Variants in WDR59 observed in about 807,000 individuals in gnomAD.
The protein encoded by WDR59 is GATOR2 complex protein WDR59.
WDR59 carries 100 observed loss-of-function variants against 131.2 expected under a neutral mutation model. The ratio of observed to expected loss-of-function variants is 0.76; its 90% CI spans 0.65 to 0.90. The LOEUF is 0.90. Among genes scored for constraint, WDR59 ranks in the 40% least tolerant of loss-of-function variants. The pLI, the probability that WDR59 is intolerant of heterozygous loss-of-function variation, is 0.00. For missense variants in WDR59, 1,203 were observed against 1,262.2 expected (o/e 0.95, Z 0.71); for synonymous variants, 601 against 466.2 (o/e 1.29, Z -3.72).
intron 25 of WDR59, among the ~76,000 whole-genome samples, chr16:74,882,642 T>C (rs947642373): frequency 1.3e-5 from 2 of 151,836 alleles, no homozygotes; most frequent in Non-Finnish European, 2.9e-5. Flanking sequence ...TATTGTATTG[T>C]AGTATCTCTA....
Position 74,942,605 on chromosome 16 carries a change from C to A in WDR59, c.534+133G>T. The A allele has an allele frequency of 3.8e-6, 3 of 791,946 alleles. No homozygotes were observed. In the South Asian group the frequency reaches 4.7e-5, roughly 12 times the overall value. 49.1% of individuals were successfully genotyped at this position (791,946 alleles called of 1,614,324 possible). On this transcript the variant is annotated intron_variant, in intron 7 of 25. Transcript: ENST00000262144. Reference sequence around the variant, plus strand: ...CGCAAATATCGTCTGGTACTATGAGCTTAAAATGGTCATTTACCATGCTGC... The same window carrying A: ...CGCAAATATCGTCTGGTACTATGAGATTAAAATGGTCATTTACCATGCTGC...
In WDR59 at chr16:74,887,650, A is replaced by G. The variant is rs1964830766; in HGVS notation, c.2419+33T>C. ...ATGCACAGCTCTGGGAGAACTAAAA[A>G]TCCAGCGTGGGCTAAGTCATTTCCA... On this transcript the variant is annotated intron_variant, in intron 23 of 25. Coordinates refer to ENST00000262144, the MANE Select transcript of WDR59 (RefSeq NM_030581.4). 5 of 1,609,274 alleles carry G rather than the reference A, an allele frequency of 3.1e-6. No individual in the cohort carries two copies. In the Admixed American group the frequency reaches 5.0e-5, roughly 16 times the overall value.
rs544623891 is a variant in WDR59, at chr16:74,963,711, G to A, written c.104+2062C>T. On this transcript the variant is annotated intron_variant, in intron 2 of 25. Coordinates refer to ENST00000262144, the MANE Select transcript of WDR59 (RefSeq NM_030581.4). ...CACACGTTTACCTACGTAACAAACC[G>A]GCACATCCTGCACATGTATCCTGGA... 3.9e-4 allele frequency among the ~76,000 whole-genome samples: 60 copies of A among 152,102 alleles called. 1 individual carries two copies. Among genetic ancestry groups the A allele is most frequent in the East Asian group, 1.7e-3 (9 of 5,180 alleles).
In WDR59 at chr16:74,970,494, CCAAAAAAAAAAAAAA is replaced by C. The variant is rs1281305541; in HGVS notation, c.55-4687_55-4673del. Among the ~76,000 whole-genome samples, 17 of 103,890 alleles carry C rather than the reference CCAAAAAAAAAAAAAA, an allele frequency of 1.6e-4. 2 individuals are homozygous for C. Among genetic ancestry groups the C allele is most frequent in the East Asian group, 8.8e-4 (4 of 4,558 alleles). 68.2% of individuals were successfully genotyped at this position (103,890 alleles called of 152,430 possible). On this transcript the variant is annotated intron_variant, in intron 1 of 25. Transcript: ENST00000262144. ...TGGGTGACAGAGAGAGACTCTGTCT[CCAAAAAAAAAAAAAA>C]AAAAAAAAAAAAAAAAAAGCAGCTC...
intron 1 of WDR59, among the ~76,000 whole-genome samples, chr16:74,971,017 C>T (rs1382657934): frequency 6.6e-6 from 1 of 151,982 alleles, no homozygotes; most frequent in Non-Finnish European, 1.5e-5. Context: ...CCACTACACT[C>T]CTGGCTAAAC....
chr16:74,932,493 CTATT>C (rs1432076402), intron 8 of WDR59, among the ~76,000 whole-genome samples: 36 of 149,156 alleles, frequency 2.4e-4, no homozygotes, highest in Non-Finnish European at 4.3e-4. Flanking sequence ...TATTTTGATA[CTATT>C]TATTTATCTG....
intron 1 of WDR59, among the ~76,000 whole-genome samples, chr16:74,981,660 A>ATATTTTTTTTTT (rs1567451007): frequency 1.2e-5 from 1 of 80,864 alleles, no homozygotes; most frequent in African/African-American, 7.4e-5. Context: ...ATATATATAT[A>ATATTTTTTTTTT]TTTTTTTTTT....
rs1001867980 is a variant in WDR59 at position 74,897,339 on chromosome 16, T to A, written c.1867-3527A>T. 1.4e-4 allele frequency among the ~76,000 whole-genome samples: 21 copies of A among 152,180 alleles called. 1 individual carries two copies. The East Asian group carries it at 1.9e-3, about 14-fold the overall frequency. ...TTTAGGCTTTGGGGTTTGTTAGGAT[T>A]AGGCACATTCAGACAGAAGAAAACT... On this transcript the variant is annotated intron_variant, in intron 18 of 25. Coordinates refer to ENST00000262144, the MANE Select transcript of WDR59 (RefSeq NM_030581.4).
chr16:74,926,983 A>T (rs1475627759), intron 8 of WDR59, among the ~76,000 whole-genome samples: 2 of 152,210 alleles, frequency 1.3e-5, no homozygotes, highest in Non-Finnish European at 2.9e-5. Flanking sequence ...CTTAATGCAC[A>T]ATATGAATGA....
intron 22 of WDR59, 100 bp from the exon 23 acceptor site, chr16:74,887,855 T>C (rs1964843693): frequency 1.6e-6 from 2 of 1,227,892 alleles, no homozygotes; most frequent in South Asian, 1.3e-5. Flanking sequence ...CGGTGGCTCA[T>C]GCCTGTAATC....
intron 8 of WDR59, among the ~76,000 whole-genome samples, chr16:74,937,154 T>C (rs1349387966): frequency 1.3e-5 from 2 of 152,214 alleles, no homozygotes; most frequent in African/African-American, 4.8e-5. Flanking sequence ...TGCCCTGCCA[T>C]CATTCTGACC....
chr16:74,874,192 A>G lies in WDR59; in HGVS notation c.*17T>C, dbSNP rs1555548252. On this transcript the variant is annotated 3_prime_UTR_variant, in exon 26 of 26. Coordinates refer to ENST00000262144, the MANE Select transcript of WDR59 (RefSeq NM_030581.4). ...TGGGTCCTCTGGGATTTCAGACAAT[A>G]CCCAACTTCTGTAGGTTCAGAAAGT... The G allele has an allele frequency of 3.1e-6, 5 of 1,603,232 alleles. No homozygotes were observed. The highest frequency in any genetic ancestry group is 3.4e-6 in the Non-Finnish European group (4 of 1,172,130).
chr16:74,896,644 A>G (rs1965313231), intron 18 of WDR59, among the ~76,000 whole-genome samples: 1 of 152,084 alleles, frequency 6.6e-6, no homozygotes, highest in South Asian at 2.1e-4. Flanking sequence ...AAAAAAAAAA[A>G]AAAAATTCAC....
intron 1 of WDR59, among the ~76,000 whole-genome samples, chr16:74,982,818 G>A (rs79104240): frequency 0.048 from 7,238 of 152,228 alleles, 181 homozygotes; most frequent in South Asian, 0.066. Context: ...GCACCACAGA[G>A]CAAAATGGTG....
At chr16:74,914,872 G>A (rs763592615) in intron 13 of WDR59, among the ~76,000 whole-genome samples, 7 of 152,126 alleles carry the variant, frequency 4.6e-5, no homozygotes, top group Non-Finnish European at 5.9e-5. Flanking sequence ...AATTACAGGC[G>A]TGAGCTACCG....
In WDR59 at chr16:74,929,640, G is replaced by C. The variant is rs114797018; in HGVS notation, c.652-5637C>G. Among the ~76,000 whole-genome samples, 988 of 152,066 alleles carry C rather than the reference G, an allele frequency of 6.5e-3. 15 individuals are homozygous for C. The highest frequency in any genetic ancestry group is 0.023 in the African/African-American group (945 of 41,490). Reference sequence around the variant, plus strand: ...GTATGGTGATTCCTCAAAAAACAAAGAATAGAACTATCATATGATCCAGCA... The same window carrying C: ...GTATGGTGATTCCTCAAAAAACAAACAATAGAACTATCATATGATCCAGCA... On this transcript the variant is annotated intron_variant, in intron 8 of 25. Transcript: ENST00000262144.
At chr16:74,946,520 G>A (rs927497218) in intron 6 of WDR59, among the ~76,000 whole-genome samples, 14 of 152,154 alleles carry the variant, frequency 9.2e-5, no homozygotes, top group Middle Eastern at 3.4e-3. Context: ...TCAGGAGCTC[G>A]AGACCAGCCT....
chr16:74,877,400 C>A (rs1715404273), intron 25 of WDR59, among the ~76,000 whole-genome samples: 1 of 152,178 alleles, frequency 6.6e-6, no homozygotes, highest in Non-Finnish European at 1.5e-5. Context: ...AGGTTCCTTA[C>A]AGCACCAAAA....
At chr16:74,911,258 G>A (rs2144935184) in intron 14 of WDR59, among the ~76,000 whole-genome samples, 1 of 152,192 alleles carries the variant, frequency 6.6e-6, no homozygotes, top group East Asian at 1.9e-4. Context: ...TCCAAACTAG[G>A]CAACGGCATA....
Sources: gnomAD v4.1 joint callset for allele counts (sites outside exome capture counted in the v4.1 genomes callset) on GRCh38, gnomAD v4.1.1 for gene constraint, MANE v1.5 for transcripts, NCBI Gene and HGNC (gene_info 2026-07-23, HGNC 2026-07-21) for gene names.